The following PARD3 variants were observed in gnomAD, a reference collection of about 807,000 sequenced individuals.
PARD3 encodes the protein partitioning defective 3 homolog.
PARD3 carries 75 observed loss-of-function variants against 155.4 expected under a neutral mutation model. That is an observed-to-expected ratio of 0.48 (90% CI 0.40 to 0.58). The LOEUF is 0.58. Among genes scored for constraint, PARD3 ranks in the 20% least tolerant of loss-of-function variants. The pLI is 0.00. For missense variants in PARD3, 1,642 were observed against 1,721.7 expected (o/e 0.95, Z 0.82); for synonymous variants, 576 against 610.5 (o/e 0.94, Z 0.83).
intron 1 of PARD3, among the ~76,000 whole-genome samples, chr10:34,777,797 G>A (rs1442867179): frequency 6.6e-6 from 1 of 151,806 alleles, no homozygotes; most frequent in Non-Finnish European, 1.5e-5. Flanking sequence ...CTCTCAAAGT[G>A]TTGGGATTAC....
chr10:34,695,305 T>TCTCTA (rs144674373), intron 2 of PARD3, among the ~76,000 whole-genome samples: 6,203 of 151,812 alleles, frequency 0.041, 415 homozygotes, highest in African/African-American at 0.14. Flanking sequence ...TGAAACCATG[T>TCTCTA]CTCTACTAAA....
chr10:34,331,014 G>T (rs1835561587), intron 19 of PARD3, 103 bp downstream of exon 19: 2 of 776,106 alleles, frequency 2.6e-6, no homozygotes, highest in African/African-American at 1.8e-5. Flanking sequence ...AGATCTCAGA[G>T]ATTACCCTGA....
chr10:34,359,133 T>G lies in PARD3; in HGVS notation c.2067+14A>C, dbSNP rs1269933738. ...TTACAATTTTAGATACTAGCACTTT[T>G]TTGCATTTCTTACCTCATTGCACTT... On this transcript the variant is annotated intron_variant, in intron 14 of 24. Coordinates refer to ENST00000374788, the MANE Select transcript of PARD3 (RefSeq NM_001184785.2). 1.9e-6 allele frequency: 3 copies of G among 1,601,276 alleles called. No individual in the cohort carries two copies. The highest frequency in any genetic ancestry group is 2.6e-6 in the Non-Finnish European group (3 of 1,173,122).
chr10:34,243,742 G>A (rs999067599), intron 22 of PARD3, among the ~76,000 whole-genome samples: 14 of 152,060 alleles, frequency 9.2e-5, no homozygotes, highest in African/African-American at 2.2e-4. Flanking sequence ...CCCAGGAGGC[G>A]GAGGTTACAG....
chr10:34,449,475 A>T (rs1326487408), intron 5 of PARD3, among the ~76,000 whole-genome samples: 1 of 144,166 alleles, frequency 6.9e-6, no homozygotes, highest in African/African-American at 2.5e-5. Context: ...GGGGGAGGGA[A>T]AGCATTAGGA....
At chr10:34,469,073 G>A (rs980744700) in intron 4 of PARD3, among the ~76,000 whole-genome samples, 1 of 152,174 alleles carries the variant, frequency 6.6e-6, no homozygotes, top group African/African-American at 2.4e-5. Context: ...TGAGAAGCGT[G>A]ACAAAAAGGA....
At chr10:34,518,662 A>G (rs896764407) in intron 2 of PARD3, among the ~76,000 whole-genome samples, 2 of 152,204 alleles carry the variant, frequency 1.3e-5, no homozygotes, top group Non-Finnish European at 2.9e-5. Context: ...TAGAGAATAA[A>G]CAGCTGTTCC....
intron 22 of PARD3, among the ~76,000 whole-genome samples, chr10:34,227,857 T>TGGGA (rs1952692885): frequency 5.0e-5 from 2 of 40,158 alleles, no homozygotes; most frequent in Non-Finnish European, 1.0e-4. Context: ...AATTATTTTT[T>TGGGA]ATATATATAT....
chr10:34,489,618 C>T (rs1242277119), intron 3 of PARD3, among the ~76,000 whole-genome samples: 1 of 152,224 alleles, frequency 6.6e-6, no homozygotes, highest in Non-Finnish European at 1.5e-5. Flanking sequence ...AAACATATGG[C>T]TGCGTGTCTG....
intron 22 of PARD3, among the ~76,000 whole-genome samples, chr10:34,257,438 G>C (rs1276895539): frequency 6.6e-6 from 1 of 152,192 alleles, no homozygotes; most frequent in Non-Finnish European, 1.5e-5. Flanking sequence ...ATGAGTTATC[G>C]TGCCAAATTG....
chr10:34,111,516 G>C lies in PARD3; in HGVS notation c.3715C>G (p.Gln1239Glu). The change falls in exon 25 of 25, where the codon CAG becomes GAG. Residue 1239 changes from glutamine (Q) to glutamate (E), a missense_variant. Gln to Glu is a conservative substitution (Grantham distance 29, BLOSUM62 2). Coordinates refer to ENST00000374788, the MANE Select transcript of PARD3 (RefSeq NM_001184785.2). ...AAGCCTTCCCCAGGGGAGTAGTTCT[G>C]CTCCCAAGAGTCCTGGGAGACCGAG... is the stretch of plus-strand genomic sequence containing the variant. Reference protein sequence around the residue: ...ASSVSQDSWEQNYSPGEGFQS... With the variant: ...ASSVSQDSWEENYSPGEGFQS... The C allele has an allele frequency of 6.2e-7, 1 of 1,612,172 alleles. No individual in the cohort carries two copies. Among genetic ancestry groups the C allele is most frequent in the Non-Finnish European group, 8.5e-7 (1 of 1,178,604 alleles).
At position 34,562,442 on chromosome 10, in the gene PARD3, AAAAC is replaced by A. The variant is rs1238697133; in HGVS notation, c.223-45287_223-45284del. On this transcript the variant is annotated intron_variant, in intron 2 of 24. Coordinates refer to ENST00000374788, the MANE Select transcript of PARD3 (RefSeq NM_001184785.2). ...CAGAGTAAGACTCTGTCTCAAAAAC[AAAAC>A]AAACAAACAAAAAAACTGTCAGCTC... Among the ~76,000 whole-genome samples, 6 of 152,086 alleles carry A rather than the reference AAAAC, an allele frequency of 3.9e-5. No homozygotes were observed. In the East Asian group the frequency reaches 9.7e-4, roughly 25 times the overall value.
intron 22 of PARD3, among the ~76,000 whole-genome samples, chr10:34,177,280 T>C (rs1360961284): frequency 6.6e-6 from 1 of 152,188 alleles, no homozygotes; most frequent in Admixed American, 6.5e-5. Flanking sequence ...CCATGTGCTG[T>C]GCACCGCTTT....
chr10:34,268,439 A>T (rs1312349413), intron 22 of PARD3, among the ~76,000 whole-genome samples: 1 of 130,468 alleles, frequency 7.7e-6, no homozygotes, highest in Admixed American at 7.5e-5. Context: ...GTATATACCC[A>T]AAGGACTATA....
At chr10:34,522,538 TGA>T (rs2082210241) in intron 2 of PARD3, among the ~76,000 whole-genome samples, 1 of 152,148 alleles carries the variant, frequency 6.6e-6, no homozygotes, top group Non-Finnish European at 1.5e-5. Flanking sequence ...AATTATATTG[TGA>T]TGGATGATAA....
intron 5 of PARD3, among the ~76,000 whole-genome samples, chr10:34,407,653 A>C (rs894784452): frequency 5.9e-5 from 9 of 152,142 alleles, no homozygotes; most frequent in African/African-American, 2.2e-4. Context: ...AAACATAACT[A>C]AAGTTTAACT....
intron 3 of PARD3, among the ~76,000 whole-genome samples, 154 bp from the exon 4 acceptor site, chr10:34,470,417 T>C (rs928318550): frequency 2.0e-5 from 3 of 152,182 alleles, no homozygotes; most frequent in Admixed American, 2.0e-4. Context: ...CAAATTCCTT[T>C]AGGTCCTTTA....
chr10:34,305,984 ATTT>A (rs563490110), intron 20 of PARD3, among the ~76,000 whole-genome samples: 1 of 151,998 alleles, frequency 6.6e-6, no homozygotes, highest in South Asian at 2.1e-4. Context: ...CTCTAAAAAA[ATTT>A]TTTTATTAAA....
At chr10:34,359,116 T>A in intron 14 of PARD3, 31 bp downstream of exon 14, 1 of 1,579,146 alleles carries the variant, frequency 6.3e-7, no homozygotes, top group Non-Finnish European at 8.7e-7. Flanking sequence ...ATTTACAATT[T>A]TAGATACTAG....
Sources: gnomAD v4.1 joint callset for allele counts (sites outside exome capture counted in the v4.1 genomes callset) on GRCh38, gnomAD v4.1.1 for gene constraint, MANE v1.5 for transcripts, NCBI Gene and HGNC (gene_info 2026-07-23, HGNC 2026-07-21) for gene names.